NUDT9: variants seen among roughly 807,000 people sequenced by gnomAD.
NUDT9 encodes nudix hydrolase 9.
NUDT9 carries 31 observed loss-of-function variants against 41.0 expected under a neutral mutation model. The observed-to-expected ratio is 0.76, with a 90% CI of 0.57 to 1.02. The LOEUF is 1.02. Among genes scored for constraint, NUDT9 ranks in the 50% least tolerant of loss-of-function variants. The pLI, the probability that NUDT9 is intolerant of heterozygous loss-of-function variation, is 0.00. For missense variants in NUDT9, 380 were observed against 431.4 expected (o/e 0.88, Z 1.06); for synonymous variants, 146 against 147.6 (o/e 0.99, Z 0.08).
At chr4:87,437,539 C>A (rs190122265) in intron 2 of NUDT9, among the ~76,000 whole-genome samples, 2 of 148,028 alleles carry the variant, frequency 1.4e-5, no homozygotes, top group Non-Finnish European at 2.9e-5. Context: ...AGATGGGGTT[C>A]CACCATGTTA....
intron 1 of NUDT9, among the ~76,000 whole-genome samples, chr4:87,426,996 T>G (rs1172467285): frequency 6.7e-6 from 1 of 148,356 alleles, no homozygotes; most frequent in Admixed American, 6.7e-5. Flanking sequence ...AGCATATGCC[T>G]ATAGTCCCAC....
chr4:87,429,072 A>G lies in NUDT9; in HGVS notation c.108-5909A>G, dbSNP rs546305469. ...TACCTAATGGTAGGTACATGTTTACACTATATACACCGAAGAGGGACCAGG... is the reference window on the plus strand; with the variant it reads ...TACCTAATGGTAGGTACATGTTTACGCTATATACACCGAAGAGGGACCAGG... On this transcript the variant is annotated intron_variant, in intron 1 of 7. Transcript: ENST00000302174. 2.6e-5 allele frequency among the ~76,000 whole-genome samples: 4 copies of G among 152,320 alleles called. No homozygotes were observed. In the East Asian group the frequency reaches 7.7e-4, roughly 29 times the overall value.
At chr4:87,441,502 C>T (rs1240762498) in intron 3 of NUDT9, among the ~76,000 whole-genome samples, 1 of 152,126 alleles carries the variant, frequency 6.6e-6, no homozygotes, top group African/African-American at 2.4e-5. Flanking sequence ...GAAGAGAGAT[C>T]TAGGTGTTCC....
chr4:87,424,254 G>GTTT (rs147874067), intron 1 of NUDT9, among the ~76,000 whole-genome samples: 2,523 of 99,002 alleles, frequency 0.025, 107 homozygotes, highest in East Asian at 0.048. Context: ...TCCCTAATGC[G>GTTT]TTTTTTTTTT....
At position 87,441,862 on chromosome 4, in the gene NUDT9, G is replaced by A. The variant is rs1460911961; in HGVS notation, c.477G>A (p.Arg159=). The change falls in exon 4 of 8, where the codon CGG becomes CGA. Residue 159 remains arginine, a synonymous_variant. Transcript: ENST00000302174. The part of the protein sequence containing the change: ...NPAGRTGLVG[R]GLLGRWGPNH... ...CAGGACGGACTGGACTGGTGGGCCG[G>A]GGGCTTTTGGGGCGATGGGGCCCAA... The A allele has an allele frequency of 6.2e-7, 1 of 1,613,550 alleles. No homozygotes were observed.
chr4:87,435,177 G>T lies in NUDT9; in HGVS notation c.304G>T (p.Val102Phe). 1 of 1,614,182 alleles carries T rather than the reference G, an allele frequency of 6.2e-7. No individual in the cohort carries two copies. The highest frequency in any genetic ancestry group is 8.5e-7 in the Non-Finnish European group (1 of 1,180,006). ...CTATAAGCCTGTGGAATACACTGCA[G>T]TCTCTGTCTTGGCTGGACCCAGGTG... Reference protein sequence around the residue: ...QDYKPVEYTAVSVLAGPRWAD... With the variant: ...QDYKPVEYTAFSVLAGPRWAD... Residue 102 changes from valine (V) to phenylalanine (F), a missense_variant, in exon 2 of 8, where the codon GTC becomes TTC. By Grantham distance (50) the Val-to-Phe change is conservative. Transcript: ENST00000302174.
chr4:87,445,041 T>A (rs1367017713), intron 4 of NUDT9, among the ~76,000 whole-genome samples: 1 of 152,210 alleles, frequency 6.6e-6, no homozygotes, highest in Non-Finnish European at 1.5e-5. Flanking sequence ...AAGCCTTAGA[T>A]GAATTGTTAA....
At chr4:87,428,766 C>T (rs1201765010) in intron 1 of NUDT9, among the ~76,000 whole-genome samples, 2 of 151,956 alleles carry the variant, frequency 1.3e-5, no homozygotes, top group Admixed American at 1.3e-4. Flanking sequence ...AGGTTCACAC[C>T]AAAATTGAGC....
intron 4 of NUDT9, 84 bp from the exon 5 acceptor site, chr4:87,449,058 A>C: frequency 1.3e-6 from 1 of 748,336 alleles, no homozygotes; most frequent in Non-Finnish European, 2.3e-6. Context: ...TTAAAGAAAA[A>C]GTCCTTGTAA....
chr4:87,436,611 A>AT (rs1023541570), intron 2 of NUDT9, among the ~76,000 whole-genome samples: 1 of 152,018 alleles, frequency 6.6e-6, no homozygotes, highest in Non-Finnish European at 1.5e-5. Flanking sequence ...ACGCCTGGTG[A>AT]TTTTTTTAAA....
chr4:87,445,484 G>A (rs765975381), intron 4 of NUDT9: 1 of 152,072 alleles, frequency 6.6e-6, no homozygotes, highest in East Asian at 1.9e-4. Flanking sequence ...GGATTCCCAG[G>A]CATCTCTCCT....
rs535652667 is a variant in NUDT9, at chr4:87,449,087, A to G, written c.531-55A>G. 1,807 of 1,016,114 alleles carry G rather than the reference A, an allele frequency of 1.8e-3. 1 individual carries two copies. The highest frequency in any genetic ancestry group is 6.6e-3 in the Middle Eastern group (32 of 4,816). 62.9% of individuals were successfully genotyped at this position (1,016,114 alleles called of 1,614,324 possible). A position where few individuals can be genotyped will look rare whatever the true frequency, so the allele number is the denominator to read the frequency against. On this transcript the variant is annotated intron_variant, in intron 4 of 7. Coordinates refer to ENST00000302174, the MANE Select transcript of NUDT9 (RefSeq NM_024047.5). Reference sequence around the variant, plus strand: ...CTTGTAACTTTATCTCAAGTTTGAGATAGAACCTTAGTTTTTGTTGTAAAT... The same window carrying G: ...CTTGTAACTTTATCTCAAGTTTGAGGTAGAACCTTAGTTTTTGTTGTAAAT...
In NUDT9 at chr4:87,434,966, C is replaced by G. The variant is rs762245562; in HGVS notation, c.108-15C>G. 9 of 1,592,874 alleles carry G rather than the reference C, an allele frequency of 5.7e-6. No individual in the cohort carries two copies. The highest frequency in any genetic ancestry group is 7.7e-6 in the Non-Finnish European group (9 of 1,171,616). On this transcript the variant is annotated splice_polypyrimidine_tract_variant and intron_variant, in intron 1 of 7. Transcript: ENST00000302174. ...TTTGGTATTTATGTAAAATGTTTTTCTTTTTCTCCCCCAGAAACTCGTTTT... is the reference window on the plus strand; with the variant it reads ...TTTGGTATTTATGTAAAATGTTTTTGTTTTTCTCCCCCAGAAACTCGTTTT...
intron 6 of NUDT9, among the ~76,000 whole-genome samples, chr4:87,453,959 A>G (rs917145194): frequency 6.6e-6 from 1 of 151,382 alleles, no homozygotes; most frequent in East Asian, 2.0e-4. Flanking sequence ...CCTGGGTTCA[A>G]GTAATTTCTC....
chr4:87,440,564 C>T (rs28529046), intron 3 of NUDT9, among the ~76,000 whole-genome samples: 17,821 of 152,090 alleles, frequency 0.12, 1,135 homozygotes, highest in East Asian at 0.23. Context: ...AATATGGTTG[C>T]AGGCCGGGCA....
intron 7 of NUDT9, among the ~76,000 whole-genome samples, 177 bp from the exon 8 acceptor site, chr4:87,457,666 A>G (rs28624955): frequency 0.34 from 51,461 of 151,914 alleles, 9,121 homozygotes; most frequent in East Asian, 0.47. Context: ...GGAATACTCT[A>G]GTTTTTTTTC....
chr4:87,434,267 C>G, intron 1 of NUDT9: 1 of 152,044 alleles, frequency 6.6e-6, no homozygotes, highest in Non-Finnish European at 1.5e-5. Flanking sequence ...TGGTCTCGAA[C>G]TCCTGACCTC....
intron 4 of NUDT9, among the ~76,000 whole-genome samples, chr4:87,447,481 T>G (rs564089589): frequency 5.9e-4 from 87 of 146,968 alleles, no homozygotes; most frequent in African/African-American, 2.3e-3. Flanking sequence ...TGGAAGTTTT[T>G]TTTTTTTTTG....
At chr4:87,453,384 C>A (rs1412955702) in intron 6 of NUDT9, among the ~76,000 whole-genome samples, 2 of 152,082 alleles carry the variant, frequency 1.3e-5, no homozygotes, top group Non-Finnish European at 2.9e-5. Flanking sequence ...CCAAATTTGA[C>A]TGTTCTCAGA....
Sources: allele counts gnomAD v4.1 joint callset (sites outside exome capture counted in the v4.1 genomes callset), GRCh38; gene constraint gnomAD v4.1.1; transcripts MANE v1.5; gene names NCBI Gene and HGNC (gene_info 2026-07-23, HGNC 2026-07-21).